ZDHHC9: variants seen among roughly 807,000 people sequenced by gnomAD.
ZDHHC9 encodes palmitoyltransferase ZDHHC9.
In ZDHHC9, 3 loss-of-function variants were observed where a neutral mutation model predicts 26.6. That is an observed-to-expected ratio of 0.11 (90% CI 0.05 to 0.29). ZDHHC9 has a LOEUF of 0.29. Ranked by LOEUF, ZDHHC9 falls within the 10% of genes least tolerant of loss-of-function variation. ZDHHC9 has a pLI of 1.00. For missense variants in ZDHHC9, 146 were observed against 296.4 expected (o/e 0.49, Z 3.73); for synonymous variants, 111 against 109.4 (o/e 1.01, Z -0.09).
chrX:129,815,407 G>A (rs780585838), intron 5 of ZDHHC9, among the ~76,000 whole-genome samples: 1 of 111,572 alleles, frequency 9.0e-6, no homozygotes, highest in Non-Finnish European at 1.9e-5. Context: ...AATTCCAGAT[G>A]AATTAAAGAA....
chrX:129,806,082 G>T lies in ZDHHC9; in HGVS notation c.*288C>A, dbSNP rs1354524232. ...GCTGGGATCTGGAGGGAAGAGAGGG[G>T]GTCCAAGGGGACCCTGTGGCTGAGG... is the stretch of plus-strand genomic sequence containing the variant. On this transcript the variant is annotated 3_prime_UTR_variant, in exon 11 of 11. Coordinates refer to ENST00000357166, the MANE Select transcript of ZDHHC9 (RefSeq NM_016032.4). The T allele has an allele frequency of 3.0e-6, 1 of 332,021 alleles. No individual in the cohort carries two copies. The highest frequency in any genetic ancestry group is 2.7e-5 in the African/African-American group (1 of 37,479). The allele number at this position is 332,021 out of a possible 1,213,427, so 27.4% of individuals were successfully genotyped here.
At chrX:129,829,628 G>A (rs778492962) in intron 3 of ZDHHC9, among the ~76,000 whole-genome samples, 20 of 112,227 alleles carry the variant, frequency 1.8e-4, no homozygotes, top group African/African-American at 6.1e-4. Context: ...GTCAGACAGA[G>A]AGTATCTCAG....
At chrX:129,823,490 A>C in intron 5 of ZDHHC9, 189 bp downstream of exon 5, 2 of 448,153 alleles carry the variant, frequency 4.5e-6, no homozygotes, top group South Asian at 7.2e-5. Context: ...TTAAATTTTG[A>C]TTTGATCTAC....
At chrX:129,841,096 C>T (rs780460209) in intron 3 of ZDHHC9, among the ~76,000 whole-genome samples, 15 of 103,245 alleles carry the variant, frequency 1.5e-4, no homozygotes, top group African/African-American at 4.3e-4. Flanking sequence ...CCGGCCACCT[C>T]CCCTAGAGAC....
chrX:129,811,036 C>T (rs376471422), intron 9 of ZDHHC9, 35 bp from the exon 10 acceptor site: 1 of 1,131,082 alleles, frequency 8.8e-7, no homozygotes, highest in African/African-American at 1.8e-5. Flanking sequence ...AAGAACTGGG[C>T]ATTCACCCCT....
At chrX:129,838,480 T>C (rs1179148620) in intron 3 of ZDHHC9, among the ~76,000 whole-genome samples, 1 of 111,364 alleles carries the variant, frequency 9.0e-6, no homozygotes, top group East Asian at 2.8e-4. Context: ...GAGACAAGCC[T>C]GGCCAACATG....
chrX:129,812,107 A>G (rs1927655912), intron 8 of ZDHHC9, among the ~76,000 whole-genome samples: 1 of 107,552 alleles, frequency 9.3e-6, no homozygotes, highest in African/African-American at 3.4e-5. Context: ...TTTTCCAGAC[A>G]GAGTCTCATT....
chrX:129,831,092 C>T (rs1473056178), intron 3 of ZDHHC9, among the ~76,000 whole-genome samples: 1 of 111,474 alleles, frequency 9.0e-6, no homozygotes, highest in African/African-American at 3.3e-5. Flanking sequence ...ATATCACTAG[C>T]TTGTGGATTA....
intron 9 of ZDHHC9, among the ~76,000 whole-genome samples, 175 bp from the exon 10 acceptor site, chrX:129,811,176 G>A (rs1927631898): frequency 8.9e-6 from 1 of 111,954 alleles, no homozygotes; most frequent in African/African-American, 3.2e-5. Context: ...ACCAGGAAAT[G>A]TCACATTAAC....
At chrX:129,809,795 C>T (rs1431700985) in intron 10 of ZDHHC9, among the ~76,000 whole-genome samples, 3 of 109,412 alleles carry the variant, frequency 2.7e-5, no homozygotes, top group Non-Finnish European at 3.8e-5. Flanking sequence ...GTCAGAAGTT[C>T]GAGACCAGCC....
intron 2 of ZDHHC9, among the ~76,000 whole-genome samples, chrX:129,842,550 A>G (rs1404684976): frequency 1.8e-5 from 2 of 112,616 alleles, no homozygotes; most frequent in Non-Finnish European, 3.8e-5. Flanking sequence ...AAATAATAGT[A>G]GAGTTTCTGT....
intron 3 of ZDHHC9, among the ~76,000 whole-genome samples, chrX:129,829,659 A>G (rs1222582116): frequency 8.9e-6 from 1 of 111,833 alleles, no homozygotes; most frequent in African/African-American, 3.3e-5. Flanking sequence ...GACCAGTGAA[A>G]ACCTTCAGGG....
Position 129,824,363 on chromosome X carries a change from C to T in ZDHHC9, c.329-526G>A, listed in dbSNP as rs781226695. ...CAGTGGTGGGATCTCAGTCTTGGCT[C>T]ACTGCAATTTCTGCCTCCTGGGTTC... On this transcript the variant is annotated intron_variant, in intron 4 of 10. Coordinates refer to ENST00000357166, the MANE Select transcript of ZDHHC9 (RefSeq NM_016032.4). Among the ~76,000 whole-genome samples the T allele has an allele frequency of 4.9e-4, 55 of 111,243 alleles. No homozygotes were observed. The South Asian group carries it at 8.0e-3, about 16-fold the overall frequency.
chrX:129,832,725 G>A (rs1928170384), intron 3 of ZDHHC9, among the ~76,000 whole-genome samples: 1 of 110,716 alleles, frequency 9.0e-6, no homozygotes, highest in Non-Finnish European at 1.9e-5. Flanking sequence ...GGAGCTTGCA[G>A]TGAGCGGAGA....
rs1927441338 is a variant in ZDHHC9 at position 129,803,542 on chromosome X, G to A, written c.*2828C>T. The A allele has an allele frequency of 8.9e-6, 1 of 112,353 alleles. No individual in the cohort carries two copies. Among genetic ancestry groups the A allele is most frequent in the African/African-American group, 3.2e-5 (1 of 30,914 alleles). The allele number at this position is 112,353 out of a possible 1,213,427, so 9.3% of individuals were successfully genotyped here. A position where few individuals can be genotyped will look rare whatever the true frequency, so the allele number is the denominator to read the frequency against. ...AGAGATTTGGTCAGTAGGAACGGGT[G>A]CTTTATGGGTAAAGGCAGGATGGTC... On this transcript the variant is annotated 3_prime_UTR_variant, in exon 11 of 11. Transcript: ENST00000357166.
intron 5 of ZDHHC9, among the ~76,000 whole-genome samples, chrX:129,816,372 G>A (rs1185053265): frequency 1.8e-5 from 2 of 110,264 alleles, no homozygotes; most frequent in Non-Finnish European, 3.8e-5. Context: ...ACTTAGGGAC[G>A]ACTGTATTTT....
At chrX:129,810,753 A>AGG in intron 10 of ZDHHC9, 152 bp downstream of exon 10, 1 of 512,613 alleles carries the variant, frequency 2.0e-6, no homozygotes, top group South Asian at 2.6e-5. Flanking sequence ...ATCTACATCA[A>AGG]GGACACAAAG....
At chrX:129,841,166 A>C (rs1053964195) in intron 3 of ZDHHC9, among the ~76,000 whole-genome samples, 36 of 111,861 alleles carry the variant, frequency 3.2e-4, no homozygotes, top group African/African-American at 1.1e-3. Context: ...ACAGAAAAAA[A>C]ATCACTCCAA....
At chrX:129,833,365 G>A (rs768538883) in intron 3 of ZDHHC9, among the ~76,000 whole-genome samples, 3 of 111,879 alleles carry the variant, frequency 2.7e-5, no homozygotes, top group Non-Finnish European at 3.8e-5. Flanking sequence ...CTCATGTGTC[G>A]TGTCCCATCC....
Sources: gnomAD v4.1 joint callset for allele counts (sites outside exome capture counted in the v4.1 genomes callset) on GRCh38, gnomAD v4.1.1 for gene constraint, MANE v1.5 for transcripts, NCBI Gene and HGNC (gene_info 2026-07-23, HGNC 2026-07-21) for gene names.